Variants in ARPP21 observed in about 807,000 individuals in gnomAD.
ARPP21 encodes cAMP-regulated phosphoprotein 21.
In ARPP21, 69 loss-of-function variants were observed where a neutral mutation model predicts 113.2. That is an observed-to-expected ratio of 0.61 (90% confidence interval 0.50 to 0.74). The LOEUF (loss-of-function observed/expected upper bound fraction) is 0.74, where lower values mean the gene tolerates loss of function less well. Among genes scored for constraint, ARPP21 ranks in the 30% least tolerant of loss-of-function variants. ARPP21 has a pLI of 0.00. For missense variants in ARPP21, 1,070 were observed against 1,037.4 expected, an observed-to-expected ratio of 1.03 and a Z score of -0.43; for synonymous variants, 368 against 375.5, an observed-to-expected ratio of 0.98 and a Z score of 0.23.
chr3:35,726,999 A>C (rs1412264504), intron 14 of ARPP21, among the ~76,000 whole-genome samples: 1 of 152,200 alleles, frequency 6.6e-6, no homozygotes, highest in East Asian at 1.9e-4. Context: ...ATGACCACAG[A>C]GTCATAATTT....
rs1204885192 is a variant in ARPP21, at chr3:35,645,411, T to C, written c.-213+5013T>C. Among the ~76,000 whole-genome samples, 13 of 152,076 alleles carry C rather than the reference T, an allele frequency of 8.5e-5. No homozygotes were observed. The East Asian group carries it at 2.5e-3, about 29-fold the overall frequency. On this transcript the variant is annotated intron_variant, in intron 1 of 20. Transcript: ENST00000684406. ...TCACAAGAAAACAATTACGTCACTTTTTATTTCAAATATTCCAGCGAATTT... is the reference window on the plus strand; with the variant it reads ...TCACAAGAAAACAATTACGTCACTTCTTATTTCAAATATTCCAGCGAATTT...
intron 6 of ARPP21, among the ~76,000 whole-genome samples, chr3:35,689,102 T>C (rs1415659950): frequency 6.6e-6 from 1 of 151,530 alleles, no homozygotes; most frequent in Non-Finnish European, 1.5e-5. Context: ...ATATTCAGGA[T>C]TTATTGGGTG....
chr3:35,639,423 C>T (rs1329862944), upstream of ARPP21, among the ~76,000 whole-genome samples: 1 of 152,032 alleles, frequency 6.6e-6, no homozygotes, highest in East Asian at 2.0e-4. This position sits in a 1 kb window ranked among gnomAD's most constrained non-coding sequence, Gnocchi z 5.0. Flanking sequence ...TTGCCCTCAG[C>T]CCGGGCGGGG....
rs73825890 is a variant in ARPP21 at position 35,649,257 on chromosome 3, G to A, written c.-213+8859G>A. The stretch of plus-strand genomic sequence containing the variant: ...GATTTGATATTCATTTTTTTGAGAG[G>A]ACAAAAACCTGCCCTTATATGTAGA... On this transcript the variant is annotated intron_variant, in intron 1 of 20. Transcript: ENST00000684406. Among the ~76,000 whole-genome samples the A allele has an allele frequency of 1.7e-3, 258 of 152,138 alleles. 2 individuals are homozygous for A. The highest frequency in any genetic ancestry group is 5.3e-3 in the African/African-American group (220 of 41,518).
intron 10 of ARPP21, among the ~76,000 whole-genome samples, chr3:35,708,296 T>C (rs1228748879): frequency 6.6e-6 from 1 of 152,154 alleles, no homozygotes; most frequent in Non-Finnish European, 1.5e-5. Context: ...TAAAGAGCAG[T>C]CCTCATGCTG....
chr3:35,710,353 T>C (rs1043961357), intron 11 of ARPP21, among the ~76,000 whole-genome samples: 2 of 152,144 alleles, frequency 1.3e-5, no homozygotes, highest in African/African-American at 2.4e-5. Context: ...GGCCTTTAAT[T>C]GTGTTTGGTG....
chr3:35,682,860 G>A lies in ARPP21; in HGVS notation c.142G>A (p.Ala48Thr), dbSNP rs1575767464. The A allele has an allele frequency of 6.2e-7, 1 of 1,608,380 alleles. No individual in the cohort carries two copies. The highest frequency in any genetic ancestry group is 2.2e-5 in the East Asian group (1 of 44,608). ...TTCCAACATACAGAGGCGGCTGGAG[G>A]CTCAGAATCAAGAAAGAAGAAAATC... ...EKLELQRRLE[A>T]QNQERRKSKS... The change falls in exon 4 of 21, where the codon GCT becomes ACT. Residue 48 changes from alanine to threonine, a missense_variant. Transcript: ENST00000684406.
chr3:35,734,428 G>A (rs976576206), intron 15 of ARPP21, among the ~76,000 whole-genome samples: 8 of 152,090 alleles, frequency 5.3e-5, no homozygotes, highest in Admixed American at 3.9e-4. Flanking sequence ...TACGTGATAG[G>A]AAAACAAGTG....
chr3:35,765,131 T>G (rs1193685691), intron 19 of ARPP21, among the ~76,000 whole-genome samples: 5 of 152,226 alleles, frequency 3.3e-5, no homozygotes, highest in Admixed American at 6.6e-5. Flanking sequence ...TTTGCAGAAA[T>G]TATATCATTT....
At chr3:35,775,074 T>C (rs1023903137) in intron 19 of ARPP21, 2 of 152,060 alleles carry the variant, frequency 1.3e-5, no homozygotes, top group African/African-American at 4.8e-5. Flanking sequence ...AACCATTCTA[T>C]CCCACCCCAC....
At chr3:35,641,738 T>A (rs1157919834) in intron 1 of ARPP21, 8 of 152,196 alleles carry the variant, frequency 5.3e-5, no homozygotes, top group Admixed American at 5.2e-4. Flanking sequence ...ATTTCCTTTG[T>A]TATAACATTC....
intron 1 of ARPP21, among the ~76,000 whole-genome samples, chr3:35,672,404 A>G (rs2076552298): frequency 6.6e-6 from 1 of 152,104 alleles, no homozygotes; most frequent in African/African-American, 2.4e-5. Flanking sequence ...GGTACCTTCT[A>G]GTGGCTGTTG....
chr3:35,713,381 G>A (rs1000365188), intron 11 of ARPP21, among the ~76,000 whole-genome samples: 1 of 152,002 alleles, frequency 6.6e-6, no homozygotes, highest in African/African-American at 2.4e-5. Flanking sequence ...AAATACTTGA[G>A]ATATTATTGG....
intron 1 of ARPP21, among the ~76,000 whole-genome samples, chr3:35,663,772 A>G (rs1417328037): frequency 6.6e-6 from 1 of 152,070 alleles, no homozygotes; most frequent in African/African-American, 2.4e-5. Context: ...ATATACTCGC[A>G]TTTCCACTGT....
At chr3:35,763,965 A>T (rs907747966) in intron 19 of ARPP21, among the ~76,000 whole-genome samples, 1 of 151,994 alleles carries the variant, frequency 6.6e-6, no homozygotes, top group South Asian at 2.1e-4. Flanking sequence ...GGAGTTTGAG[A>T]CCCGCCTGGG....
chr3:35,744,016 G>A (rs1374378875), intron 19 of ARPP21, 51 bp downstream of exon 19: 1 of 1,605,126 alleles, frequency 6.2e-7, no homozygotes, highest in Non-Finnish European at 8.5e-7. Context: ...ATTTTTGCTG[G>A]TGAATCTTGT....
chr3:35,647,090 C>G (rs1700531751), intron 1 of ARPP21, among the ~76,000 whole-genome samples: 2 of 152,160 alleles, frequency 1.3e-5, no homozygotes. Context: ...TTACCCTTAG[C>G]ATTGTTAAGC....
chr3:35,793,629 G>C (rs1577113946), intron 20 of ARPP21, 72 bp from the exon 21 acceptor site: 1 of 997,030 alleles, frequency 1.0e-6, no homozygotes, highest in East Asian at 2.4e-5. Flanking sequence ...TATTTTTCAT[G>C]ACACCATGTT....
At chr3:35,646,269 A>G (rs1250868401) in intron 1 of ARPP21, among the ~76,000 whole-genome samples, 2 of 152,166 alleles carry the variant, frequency 1.3e-5, no homozygotes, top group African/African-American at 2.4e-5. Flanking sequence ...TATGTTTCTA[A>G]AACTGCAAGC....
Sources: gnomAD v4.1 joint callset for allele counts (sites outside exome capture counted in the v4.1 genomes callset) on GRCh38, gnomAD v4.1.1 for gene constraint, Gnocchi (gnomAD v3.1) non-coding constraint, MANE v1.5 for transcripts, NCBI Gene and HGNC (gene_info 2026-07-23, HGNC 2026-07-21) for gene names.